The following CARD14 variants were observed in gnomAD, a reference collection of about 807,000 sequenced individuals.
CARD14 encodes caspase recruitment domain-containing protein 14.
Under a neutral mutation model 111.5 loss-of-function variants are expected in CARD14, and 107 were observed. The observed-to-expected ratio is 0.96, with a 90% CI of 0.82 to 1.13. The LOEUF is 1.13. Among genes scored for constraint, CARD14 ranks in the 50% most tolerant of loss-of-function variants. CARD14 has a pLI of 0.00. For synonymous variants in CARD14, 617 were observed against 579.6 expected, an observed-to-expected ratio of 1.06 and a Z score of -0.93; for missense variants, 1,322 against 1,362.3, an observed-to-expected ratio of 0.97 and a Z score of 0.47.
intron 22 of CARD14, chr17:80,205,904 T>C (rs1332169353): frequency 2.5e-6 from 1 of 400,520 alleles, no homozygotes; most frequent in East Asian, 4.2e-5. Context: ...TAATAGATAT[T>C]TGTTCGAGAA....
chr17:80,186,763 T>C (rs1317877518), intron 7 of CARD14, among the ~76,000 whole-genome samples: 1 of 152,186 alleles, frequency 6.6e-6, no homozygotes, highest in African/African-American at 2.4e-5. Flanking sequence ...TTGGCCAGGC[T>C]GGTCTCAAAC....
chr17:80,198,547 G>A lies in CARD14; in HGVS notation c.1807G>A (p.Ala603Thr), dbSNP rs150081068. 3.1e-6 allele frequency: 5 copies of A among 1,613,064 alleles called. No homozygotes were observed. Among genetic ancestry groups the A allele is most frequent in the Non-Finnish European group, 4.2e-6 (5 of 1,179,882 alleles). ...CATCCACCGGGTCACCCCGGGCTCG[G>A]CGGCGGACCAGATGGCCTTGCGCCC... is the stretch of plus-strand genomic sequence containing the variant. ...IFIHRVTPGSAADQMALRPGT... is the reference protein window; with the variant it reads ...IFIHRVTPGSTADQMALRPGT... The change falls in exon 16 of 24, where the codon GCG (alanine) becomes ACG (threonine). Residue 603 changes from alanine (A) to threonine (T), a missense_variant. Transcript: ENST00000648509. The surrounding 1 kb of genome is among the most constrained non-coding windows in gnomAD (Gnocchi z 7.5).
intron 22 of CARD14, 56 bp from the exon 23 acceptor site, chr17:80,206,913 CT>C: frequency 7.3e-7 from 1 of 1,363,136 alleles, no homozygotes; most frequent in Non-Finnish European, 1.0e-6. Flanking sequence ...CGTTGGCTCC[CT>C]TTGCTTCCTC....
chr17:80,191,284 G>T (rs2040518455), intron 10 of CARD14, 39 bp from the exon 11 acceptor site: 2 of 1,594,260 alleles, frequency 1.3e-6, no homozygotes, highest in Non-Finnish European at 1.7e-6. Flanking sequence ...CTCCCCGGTG[G>T]TGATGGCGCG....
At chr17:80,185,958 C>T (rs1011230252) in intron 7 of CARD14, among the ~76,000 whole-genome samples, 6 of 152,270 alleles carry the variant, frequency 3.9e-5, no homozygotes, top group Admixed American at 1.3e-4. Flanking sequence ...GACGTCACAC[C>T]GTCCACCATT....
Position 80,189,616 on chromosome 17 carries a change from T to C in CARD14, c.844-137T>C, listed in dbSNP as rs1476559804. 3.5e-6 allele frequency: 4 copies of C among 1,139,634 alleles called. No homozygotes were observed. Among genetic ancestry groups the C allele is most frequent in the Non-Finnish European group, 3.5e-6 (3 of 851,338 alleles). The allele number at this position is 1,139,634 out of a possible 1,614,324, so 70.6% of individuals were successfully genotyped here. On this transcript the variant is annotated intron_variant, in intron 8 of 23. Transcript: ENST00000648509. This position sits in a 1 kb window ranked among gnomAD's most constrained non-coding sequence, Gnocchi z 4.7. ...GGTGGCTTTTCCGTGGCTTCTCTCC[T>C]GCCCGGTGTAGAGTGGCAAGACTGC... is the stretch of plus-strand genomic sequence containing the variant.
intron 2 of CARD14, among the ~76,000 whole-genome samples, chr17:80,177,221 T>G (rs748725878): frequency 1.2e-4 from 18 of 151,930 alleles, no homozygotes; most frequent in Non-Finnish European, 2.5e-4. Context: ...TCTCCTCCTC[T>G]TCTTCTTCTT....
At chr17:80,199,530 C>T (rs1355392246) in intron 16 of CARD14, among the ~76,000 whole-genome samples, 2 of 135,280 alleles carry the variant, frequency 1.5e-5, no homozygotes, top group South Asian at 4.7e-4. Flanking sequence ...CCACTGCACT[C>T]GAGCCTGGGT....
At chr17:80,176,381 C>T (rs1372890890) in intron 2 of CARD14, among the ~76,000 whole-genome samples, 24 of 148,656 alleles carry the variant, frequency 1.6e-4, no homozygotes, top group Non-Finnish European at 3.3e-4. Context: ...CGGATGTTGC[C>T]GTGAGCTGAG....
chr17:80,195,320 C>T lies in CARD14; in HGVS notation c.1486C>T (p.Pro496Ser). Residue 496 changes from proline (P) to serine (S), a missense_variant, in exon 13 of 24, where the codon CCC becomes TCC. Transcript: ENST00000648509. This position sits in a 1 kb window ranked among gnomAD's most constrained non-coding sequence, Gnocchi z 4.7. Reference protein sequence around the residue: ...KRVAEDFGEEPWSFSSCLEIP... With the variant: ...KRVAEDFGEESWSFSSCLEIP... ...GGTGGCCGAGGACTTCGGGGAAGAA[C>T]CCTGGTCTTTCAGGTAGAGCACTGG... 6.2e-7 allele frequency: 1 copy of T among 1,611,912 alleles called. No individual in the cohort carries two copies. Among genetic ancestry groups the T allele is most frequent in the Non-Finnish European group, 8.5e-7 (1 of 1,178,986 alleles).
chr17:80,177,235 T>TC (rs2040046768), intron 2 of CARD14, among the ~76,000 whole-genome samples: 1 of 151,960 alleles, frequency 6.6e-6, no homozygotes, highest in Admixed American at 6.6e-5. Flanking sequence ...TCTTCTTCTT[T>TC]CTTTTTTTTT....
chr17:80,204,103 C>T, intron 19 of CARD14, 124 bp from the exon 20 acceptor site: 1 of 984,268 alleles, frequency 1.0e-6, no homozygotes, highest in Non-Finnish European at 1.5e-6. Context: ...TCAGGCTGTT[C>T]TCAGAGCATC....
rs1464954077 is a variant in CARD14, at chr17:80,192,636, C to T, written c.1356+17C>T. 15 of 1,585,508 alleles carry T rather than the reference C, an allele frequency of 9.5e-6. No homozygotes were observed. The highest frequency in any genetic ancestry group is 4.5e-5 in the East Asian group (2 of 44,666). On this transcript the variant is annotated intron_variant, in intron 12 of 23. Transcript: ENST00000648509. ...TCCACAGAGGTACGGCCGCTCCTCCCGCCTCCCTCACTGCCTTGACCCTCT... is the reference window on the plus strand; with the variant it reads ...TCCACAGAGGTACGGCCGCTCCTCCTGCCTCCCTCACTGCCTTGACCCTCT...
At chr17:80,184,326 T>C in intron 7 of CARD14, 88 bp downstream of exon 7, 5 of 1,131,092 alleles carry the variant, frequency 4.4e-6, no homozygotes, top group Non-Finnish European at 4.8e-6. Flanking sequence ...CTGGAACTCC[T>C]TTCCCCTCTT....
intron 4 of CARD14, among the ~76,000 whole-genome samples, chr17:80,180,550 C>G (rs914418098): frequency 6.6e-6 from 1 of 152,200 alleles, no homozygotes; most frequent in Non-Finnish European, 1.5e-5. Flanking sequence ...AAGGGACCAC[C>G]TGCTGCGTAG....
rs1271314867 is a variant in CARD14, at chr17:80,182,373, C to T, written c.212-280C>T. ...CCACCTCCTCACCCCGTCCCGGTCC[C>T]CCCGCACTCGCCAGAGCACTGGGGT... On this transcript the variant is annotated intron_variant, in intron 5 of 23. Transcript: ENST00000648509. This position sits in a 1 kb window ranked among gnomAD's most constrained non-coding sequence, Gnocchi z 4.7. Among the ~76,000 whole-genome samples, 2 of 152,228 alleles carry T rather than the reference C, an allele frequency of 1.3e-5. No homozygotes were observed. Among genetic ancestry groups the T allele is most frequent in the African/African-American group, 4.8e-5 (2 of 41,460 alleles).
chr17:80,177,881 A>G (rs1321312187), intron 2 of CARD14, among the ~76,000 whole-genome samples: 1 of 152,052 alleles, frequency 6.6e-6, no homozygotes, highest in Non-Finnish European at 1.5e-5. Context: ...TCCCTGGACT[A>G]GGGCCCACCC....
chr17:80,186,271 C>T (rs2040341828), intron 7 of CARD14, among the ~76,000 whole-genome samples: 1 of 152,208 alleles, frequency 6.6e-6, no homozygotes, highest in African/African-American at 2.4e-5. Flanking sequence ...GCCTTCCCTT[C>T]TCCCGTGGCT....
rs1471564601 is a variant in CARD14, at chr17:80,192,522, C to T, written c.1259C>T (p.Thr420Ile). The T allele has an allele frequency of 1.5e-5, 24 of 1,613,500 alleles. No homozygotes were observed. The highest frequency in any genetic ancestry group is 7.7e-5 in the South Asian group (7 of 91,042). Residue 420 changes from threonine (T) to isoleucine (I), a missense_variant, in exon 12 of 24, where the codon ACC becomes ATC. Thr to Ile is a moderately conservative substitution (Grantham distance 89). Coordinates refer to ENST00000648509, the MANE Select transcript of CARD14 (RefSeq NM_001366385.1). ...TGGCAGCTCAAGCAGGAAGCCAGGA[C>T]CAGGGAGCCCTGTCCACGGGAGAAG... ...PPGVLKQEAR[T>I]REPCPREKQR...
Sources: gnomAD v4.1 joint callset for allele counts (sites outside exome capture counted in the v4.1 genomes callset) on GRCh38, gnomAD v4.1.1 for gene constraint, Gnocchi (gnomAD v3.1) non-coding constraint, MANE v1.5 for transcripts, NCBI Gene and HGNC (gene_info 2026-07-23, HGNC 2026-07-21) for gene names.